The following IL1RAPL2 variants were observed in gnomAD, a reference collection of about 807,000 sequenced individuals.
The protein encoded by IL1RAPL2 is X-linked interleukin-1 receptor accessory protein-like 2.
In IL1RAPL2, 3 loss-of-function variants were observed where a neutral mutation model predicts 44.1. The ratio of observed to expected loss-of-function variants is 0.07; its 90% confidence interval spans 0.03 to 0.18. The LOEUF is 0.18. Ranked by LOEUF, IL1RAPL2 falls within the 10% of genes least tolerant of loss-of-function variation. The pLI is 1.00. For missense variants in IL1RAPL2, 391 were observed against 496.4 expected (o/e 0.79, Z 2.02); for synonymous variants, 181 against 178.8 (o/e 1.01, Z -0.10).
intron 2 of IL1RAPL2, among the ~76,000 whole-genome samples, chrX:104,886,127 T>C (rs886095441): frequency 8.8e-6 from 1 of 113,226 alleles, no homozygotes; most frequent in Non-Finnish European, 1.9e-5. Context: ...TGGGACAGCC[T>C]GTAACCAGGT....
intron 6 of IL1RAPL2, among the ~76,000 whole-genome samples, chrX:105,673,421 T>C (rs958632568): frequency 4.5e-5 from 5 of 111,592 alleles, no homozygotes; most frequent in African/African-American, 1.6e-4. Flanking sequence ...ATTTGGTGTT[T>C]GGTTTTCTGT....
intron 6 of IL1RAPL2, among the ~76,000 whole-genome samples, chrX:105,681,813 A>C (rs1315904435): frequency 1.8e-5 from 2 of 111,829 alleles, no homozygotes. Context: ...CTTGCTCCAT[A>C]AGATCTTGTA....
chrX:105,383,950 T>G (rs1328420179), intron 5 of IL1RAPL2, among the ~76,000 whole-genome samples: 1 of 111,897 alleles, frequency 8.9e-6, no homozygotes, highest in East Asian at 2.8e-4. Flanking sequence ...CATTTATAGA[T>G]TGGATTATTT....
intron 2 of IL1RAPL2, among the ~76,000 whole-genome samples, chrX:105,163,149 G>A: frequency 9.0e-6 from 1 of 111,449 alleles, no homozygotes; most frequent in East Asian, 2.8e-4. Context: ...GTCTATGGCT[G>A]CTTTCTCACT....
intron 2 of IL1RAPL2, among the ~76,000 whole-genome samples, chrX:104,992,976 A>G (rs780962096): frequency 1.8e-5 from 2 of 111,089 alleles, no homozygotes; most frequent in Admixed American, 9.6e-5. Context: ...ACTCACCATT[A>G]CCTGTTTTGA....
chrX:105,766,867 G>A (rs778769014), intron 10 of IL1RAPL2, 97 bp from the exon 11 acceptor site: 6 of 550,240 alleles, frequency 1.1e-5, no homozygotes, highest in South Asian at 3.5e-5. Context: ...GGACTTTAGT[G>A]AGAGACTGGA....
intron 1 of IL1RAPL2, among the ~76,000 whole-genome samples, chrX:104,567,888 G>C (rs757454324): frequency 8.9e-6 from 1 of 112,369 alleles, no homozygotes; most frequent in South Asian, 3.7e-4. Flanking sequence ...CAAGGGAAAT[G>C]TGTATTATAA....
intron 2 of IL1RAPL2, among the ~76,000 whole-genome samples, chrX:104,784,967 C>G (rs1932791224): frequency 9.0e-6 from 1 of 110,868 alleles, no homozygotes; most frequent in Non-Finnish European, 1.9e-5. Flanking sequence ...TTATGTCCAG[C>G]ACTATGCTAG....
chrX:105,711,578 C>A (rs2038211479), intron 6 of IL1RAPL2, among the ~76,000 whole-genome samples: 1 of 111,470 alleles, frequency 9.0e-6, no homozygotes, highest in Admixed American at 9.5e-5. Context: ...AAACTTATAT[C>A]CTTCTCACAA....
At chrX:105,438,171 G>A (rs2035894668) in intron 5 of IL1RAPL2, among the ~76,000 whole-genome samples, 1 of 111,656 alleles carries the variant, frequency 9.0e-6, no homozygotes, top group Non-Finnish European at 1.9e-5. Flanking sequence ...TTCCACCTCT[G>A]CCTGTTCCCT....
At chrX:105,748,454 G>A (rs191119222) in intron 8 of IL1RAPL2, among the ~76,000 whole-genome samples, 7 of 112,087 alleles carry the variant, frequency 6.2e-5, no homozygotes, top group African/African-American at 2.3e-4. Flanking sequence ...TGTTCTACTG[G>A]GGTTAAATGA....
intron 6 of IL1RAPL2, among the ~76,000 whole-genome samples, chrX:105,609,707 T>G (rs1032034069): frequency 9.0e-6 from 1 of 110,873 alleles, no homozygotes; most frequent in Non-Finnish European, 1.9e-5. Context: ...ATGAAGAGGT[T>G]TCAGTGCCTA....
At chrX:104,977,973 C>T (rs758694793) in intron 2 of IL1RAPL2, among the ~76,000 whole-genome samples, 1 of 111,773 alleles carries the variant, frequency 8.9e-6, no homozygotes, top group East Asian at 2.8e-4. Flanking sequence ...GGTAAACTGA[C>T]ATGGCACTGG....
chrX:105,583,468 T>A (rs2037104580), intron 6 of IL1RAPL2, among the ~76,000 whole-genome samples: 1 of 111,989 alleles, frequency 8.9e-6, no homozygotes, highest in African/African-American at 3.2e-5. Flanking sequence ...GCAAGGATAC[T>A]CAGGTTATCT....
At chrX:105,066,355 T>C (rs2032137341) in intron 2 of IL1RAPL2, among the ~76,000 whole-genome samples, 1 of 111,349 alleles carries the variant, frequency 9.0e-6, no homozygotes, top group African/African-American at 3.3e-5. Flanking sequence ...TGAGTAACAG[T>C]TCCTTGAAAC....
chrX:104,727,746 T>G (rs1361234069), intron 2 of IL1RAPL2, among the ~76,000 whole-genome samples: 2 of 111,273 alleles, frequency 1.8e-5, no homozygotes, highest in Non-Finnish European at 3.8e-5. Context: ...TGGAATACTA[T>G]TCAGCCATAA....
chrX:105,438,985 A>T (rs1427563767), intron 5 of IL1RAPL2, among the ~76,000 whole-genome samples: 3 of 110,376 alleles, frequency 2.7e-5, no homozygotes, highest in Non-Finnish European at 5.7e-5. Context: ...GTAGTGAGGG[A>T]GTTCTCACAA....
chrX:105,247,609 G>A (rs760850247), intron 4 of IL1RAPL2, among the ~76,000 whole-genome samples: 1,791 of 82,817 alleles, frequency 0.022, 54 homozygotes, highest in African/African-American at 0.15. Context: ...ATATATGTGT[G>A]TGTGTGTGTG....
intron 5 of IL1RAPL2, among the ~76,000 whole-genome samples, chrX:105,371,910 C>A (rs1291321481): frequency 9.0e-6 from 1 of 111,158 alleles, no homozygotes; most frequent in Admixed American, 9.6e-5. Flanking sequence ...AGATGATATC[C>A]CGTTCAGGGA....
Sources: gnomAD v4.1 joint callset for allele counts (sites outside exome capture counted in the v4.1 genomes callset) on GRCh38, gnomAD v4.1.1 for gene constraint, MANE v1.5 for transcripts, NCBI Gene and HGNC (gene_info 2026-07-23, HGNC 2026-07-21) for gene names.